The following NRG1 variants were observed in gnomAD, a reference collection of about 807,000 sequenced individuals.
NRG1 encodes neuregulin 1, also known as pro-neuregulin-1, membrane-bound isoform.
A neutral mutation model predicts 63.8 loss-of-function variants in NRG1; 18 were observed. The observed-to-expected ratio is 0.28, with a 90% confidence interval of 0.19 to 0.42. NRG1 has a LOEUF of 0.42. Among genes scored for constraint, NRG1 ranks in the 10% least tolerant of loss-of-function variants. The pLI is 1.00. For synonymous variants in NRG1, 302 were observed against 301.3 expected (o/e 1.00, Z -0.02); for missense variants, 762 against 814.7 (o/e 0.94, Z 0.79).
At chr8:32,408,661 A>C (rs1241248853) in intron 1 of NRG1, among the ~76,000 whole-genome samples, 2 of 152,212 alleles carry the variant, frequency 1.3e-5, no homozygotes, top group Non-Finnish European at 2.9e-5. Flanking sequence ...GAGCTTCCAC[A>C]AAGAACAGGT....
At chr8:31,846,806 A>G (rs1363858651) in intron 1 of NRG1, among the ~76,000 whole-genome samples, 3 of 152,166 alleles carry the variant, frequency 2.0e-5, no homozygotes, top group Non-Finnish European at 4.4e-5. Context: ...AATAATGAAT[A>G]TTAAACATGA....
chr8:31,658,120 A>G (rs13264296), intron 1 of NRG1, among the ~76,000 whole-genome samples: 28,569 of 152,164 alleles, frequency 0.19, 3,312 homozygotes, highest in East Asian at 0.27. Flanking sequence ...ATGCCATGTT[A>G]TTGTGACCAG....
intron 1 of NRG1, among the ~76,000 whole-genome samples, chr8:32,166,279 T>C (rs953949664): frequency 6.6e-6 from 1 of 152,190 alleles, no homozygotes; most frequent in Non-Finnish European, 1.5e-5. Context: ...CAGAGTGTTT[T>C]GTGTAAAGTG....
At chr8:32,181,839 G>GA (rs200785072) in intron 1 of NRG1, among the ~76,000 whole-genome samples, 242 of 149,620 alleles carry the variant, frequency 1.6e-3, no homozygotes, top group Middle Eastern at 6.9e-3. Context: ...ATTTATAACT[G>GA]AAAAAAAAAC....
intron 1 of NRG1, among the ~76,000 whole-genome samples, chr8:32,577,806 T>C (rs1400154791): frequency 6.6e-6 from 1 of 152,118 alleles, no homozygotes; most frequent in African/African-American, 2.4e-5. Flanking sequence ...TAAACTGTTA[T>C]GTACCATCAT....
At chr8:32,544,461 CTGCCTAGCTTATTATTTATTTATTTAT>C (rs1239661228), upstream of NRG1, among the ~76,000 whole-genome samples, 1 of 144,944 alleles carries the variant, frequency 6.9e-6, no homozygotes, top group African/African-American at 2.5e-5. Context: ...TGTTTCTCTA[CTGCCTAGCTTATTATTTATTTATTTAT>C]TTATTTATTT....
chr8:31,803,748 A>G (rs1021098955), intron 1 of NRG1, among the ~76,000 whole-genome samples: 1 of 151,798 alleles, frequency 6.6e-6, no homozygotes, highest in Non-Finnish European at 1.5e-5. Flanking sequence ...AAAATTCCAA[A>G]TTTCTTTCCA....
At chr8:32,375,638 G>A (rs1809526776) in intron 1 of NRG1, among the ~76,000 whole-genome samples, 1 of 152,150 alleles carries the variant, frequency 6.6e-6, no homozygotes, top group South Asian at 2.1e-4. Flanking sequence ...CCAATCAACT[G>A]CCTTTGAACA....
chr8:31,670,082 T>A (rs929061595), intron 1 of NRG1, among the ~76,000 whole-genome samples: 3 of 152,230 alleles, frequency 2.0e-5, no homozygotes, highest in Non-Finnish European at 4.4e-5. Flanking sequence ...AATTCAGGAC[T>A]AAGACATTTC....
At chr8:31,902,281 T>C (rs1832148231) in intron 1 of NRG1, among the ~76,000 whole-genome samples, 1 of 152,042 alleles carries the variant, frequency 6.6e-6, no homozygotes. Flanking sequence ...CAGTAGAAAA[T>C]GGGACTTAAA....
At chr8:31,940,669 A>G (rs1801615502) in intron 1 of NRG1, among the ~76,000 whole-genome samples, 1 of 152,184 alleles carries the variant, frequency 6.6e-6, no homozygotes, top group African/African-American at 2.4e-5. Context: ...AACCAAGAAA[A>G]GAAGAGAGAA....
At chr8:32,713,001 G>A (rs1818192410) in intron 5 of NRG1, among the ~76,000 whole-genome samples, 1 of 152,136 alleles carries the variant, frequency 6.6e-6, no homozygotes, top group Admixed American at 6.6e-5. Flanking sequence ...CGTTGAGCCT[G>A]AAGCACTGAT....
At chr8:31,644,895 A>G (rs1170688024) in intron 1 of NRG1, among the ~76,000 whole-genome samples, 1 of 152,106 alleles carries the variant, frequency 6.6e-6, no homozygotes, top group Non-Finnish European at 1.5e-5. Context: ...GATAGCTCTT[A>G]ATGAATGGGT....
intron 1 of NRG1, among the ~76,000 whole-genome samples, chr8:32,127,484 T>C (rs927626107): frequency 6.6e-6 from 1 of 151,538 alleles, no homozygotes; most frequent in East Asian, 1.9e-4. Context: ...CCTTAATCCA[T>C]TTTTGAACCC....
intron 1 of NRG1, among the ~76,000 whole-genome samples, chr8:32,091,924 T>TC (rs1829216931): frequency 6.6e-6 from 1 of 151,918 alleles, no homozygotes; most frequent in Non-Finnish European, 1.5e-5. Context: ...CGATCTGATG[T>TC]GTCTGCTTGT....
intron 1 of NRG1, among the ~76,000 whole-genome samples, chr8:31,915,955 T>A (rs1233446280): frequency 1.3e-5 from 2 of 152,162 alleles, no homozygotes; most frequent in Non-Finnish European, 2.9e-5. Context: ...TGGTCCTTAC[T>A]ACCAAGCATA....
chr8:32,432,932 A>G (rs1176065805), intron 1 of NRG1, among the ~76,000 whole-genome samples: 1 of 152,156 alleles, frequency 6.6e-6, no homozygotes, highest in Non-Finnish European at 1.5e-5. Flanking sequence ...TTAGTTTACC[A>G]TTATAGGTCA....
intron 1 of NRG1, among the ~76,000 whole-genome samples, chr8:32,048,322 TAC>T (rs1169559001): frequency 6.7e-6 from 1 of 149,542 alleles, no homozygotes; most frequent in Non-Finnish European, 1.5e-5. Context: ...TGTATGTATA[TAC>T]ATATGTACAT....
chr8:32,206,953 T>A (rs544979515), intron 1 of NRG1, among the ~76,000 whole-genome samples: 1 of 152,306 alleles, frequency 6.6e-6, no homozygotes, highest in Admixed American at 6.5e-5. Context: ...GAAATAAAAA[T>A]TATGCCTGAC....
Sources: gnomAD v4.1 joint callset for allele counts (sites outside exome capture counted in the v4.1 genomes callset) on GRCh38, gnomAD v4.1.1 for gene constraint, MANE v1.5 for transcripts, NCBI Gene and HGNC (gene_info 2026-07-23, HGNC 2026-07-21) for gene names.